The following CREBBP variants were observed in gnomAD, a reference collection of about 807,000 sequenced individuals.
CREBBP encodes the protein CREB-binding protein.
In CREBBP, 19 loss-of-function variants were observed where a neutral mutation model predicts 265.0. The observed-to-expected ratio is 0.07, with a 90% CI of 0.05 to 0.11. The LOEUF (loss-of-function observed/expected upper bound fraction) is 0.11, where lower values mean the gene tolerates loss of function less well. Among genes scored for constraint, CREBBP ranks in the 10% least tolerant of loss-of-function variants. The pLI, the probability that CREBBP is intolerant of heterozygous loss-of-function variation, is 1.00. For synonymous variants in CREBBP, 1,457 were observed against 1,223.7 expected (o/e 1.19, Z -3.98); for missense variants, 2,525 against 3,219.0 (o/e 0.78, Z 5.22).
chr16:3,768,726 T>G (rs2052925100), intron 15 of CREBBP, among the ~76,000 whole-genome samples: 1 of 152,086 alleles, frequency 6.6e-6, no homozygotes, highest in Non-Finnish European at 1.5e-5. Context: ...AAGCCAGAAA[T>G]CTAGAGTTTT....
intron 19 of CREBBP, among the ~76,000 whole-genome samples, chr16:3,753,135 G>A (rs553942083): frequency 1.2e-4 from 19 of 152,284 alleles, no homozygotes; most frequent in South Asian, 8.3e-4. Context: ...GGACTCGAGC[G>A]CCAGGCTGAA....
At chr16:3,771,745 C>G (rs927006653) in intron 13 of CREBBP, among the ~76,000 whole-genome samples, 1 of 150,344 alleles carries the variant, frequency 6.7e-6, no homozygotes, top group Non-Finnish European at 1.5e-5. Context: ...CCTGGGGGCA[C>G]AGAGTGGGAT....
chr16:3,822,544 G>C (rs907579288), intron 2 of CREBBP, among the ~76,000 whole-genome samples: 2 of 152,172 alleles, frequency 1.3e-5, no homozygotes, highest in African/African-American at 4.8e-5. Flanking sequence ...CTCGTGGGAT[G>C]AGCCCTGGGA....
At chr16:3,804,983 C>A (rs1234352188) in intron 3 of CREBBP, among the ~76,000 whole-genome samples, 1 of 152,218 alleles carries the variant, frequency 6.6e-6, no homozygotes, top group African/African-American at 2.4e-5. Flanking sequence ...ACCCCTAATA[C>A]CAAAGGACTC....
rs2052981729 is a variant in CREBBP, at chr16:3,770,714, G to A, written c.2736C>T (p.Thr912=). ...CTGCCTGGACTGTAGGGGTGCTCTGGGTTTGGGTAGCACTGGGCACTGAGC... is the reference window on the plus strand; with the variant it reads ...CTGCCTGGACTGTAGGGGTGCTCTGAGTTTGGGTAGCACTGGGCACTGAGC... ...TPGSVPSATQ[T]QSTPTVQAAA... The change falls in exon 14 of 31, where the codon ACC becomes ACT. Residue 912 remains threonine (T), a synonymous_variant. Coordinates refer to ENST00000262367, the MANE Select transcript of CREBBP (RefSeq NM_004380.3). 8 of 1,613,988 alleles carry A rather than the reference G, an allele frequency of 5.0e-6. No homozygotes were observed. The South Asian group carries it at 6.6e-5, about 13-fold the overall frequency.
chr16:3,753,879 C>T (rs770848869), intron 19 of CREBBP, among the ~76,000 whole-genome samples: 2 of 152,172 alleles, frequency 1.3e-5, no homozygotes, highest in Non-Finnish European at 2.9e-5. Flanking sequence ...AAACTCCCAC[C>T]GTAATCACAG....
chr16:3,871,687 GCA>G (rs2055302832), intron 1 of CREBBP, among the ~76,000 whole-genome samples: 1 of 152,180 alleles, frequency 6.6e-6, no homozygotes, highest in South Asian at 2.1e-4. Context: ...TTTAGGTGGT[GCA>G]GTTTTAATAA....
chr16:3,862,156 A>T (rs529001967), intron 1 of CREBBP, among the ~76,000 whole-genome samples: 314 of 152,356 alleles, frequency 2.1e-3, no homozygotes, highest in African/African-American at 7.0e-3. Flanking sequence ...CACGTATGTC[A>T]TATTTTACAG....
chr16:3,828,138 G>A (rs1780184335), intron 2 of CREBBP, among the ~76,000 whole-genome samples: 2 of 152,012 alleles, frequency 1.3e-5, no homozygotes, highest in African/African-American at 4.8e-5. Context: ...TGTCACCCAG[G>A]CTAGAGTGCA....
At chr16:3,875,682 A>G (rs907816256) in intron 1 of CREBBP, among the ~76,000 whole-genome samples, 1 of 152,206 alleles carries the variant, frequency 6.6e-6, no homozygotes, top group African/African-American at 2.4e-5. Context: ...TAGAAAATAA[A>G]TATATAGAGC....
At position 3,854,970 on chromosome 16, in the gene CREBBP, C is replaced by T. The variant is rs138911693; in HGVS notation, c.86-3961G>A. Among the ~76,000 whole-genome samples the T allele has an allele frequency of 2.4e-3, 358 of 152,264 alleles. 4 individuals carry two copies. The highest frequency in any genetic ancestry group is 8.2e-3 in the African/African-American group (340 of 41,550). On this transcript the variant is annotated intron_variant, in intron 1 of 30. Coordinates refer to ENST00000262367, the MANE Select transcript of CREBBP (RefSeq NM_004380.3). ...CACTGTTCTCCTAAGTACTTCAGTA[C>T]GTATCTCCTAACAACATCCTCTTAC... is the stretch of plus-strand genomic sequence containing the variant.
chr16:3,843,561 C>T (rs893939769), intron 2 of CREBBP, among the ~76,000 whole-genome samples: 1 of 151,848 alleles, frequency 6.6e-6, no homozygotes, highest in African/African-American at 2.4e-5. Flanking sequence ...GCTGAGACCA[C>T]AGACATGTGC....
chr16:3,769,842 G>C (rs545738090), intron 14 of CREBBP, among the ~76,000 whole-genome samples: 86 of 152,198 alleles, frequency 5.7e-4, no homozygotes, highest in African/African-American at 2.0e-3. Context: ...ACCACTAAAA[G>C]AATTCCTAAT....
At position 3,728,681 on chromosome 16, in the gene CREBBP, C is replaced by T. The variant is rs765028953; in HGVS notation, c.6366G>A (p.Gln2122=). The change falls in exon 31 of 31, where the codon CAG becomes CAA. Residue 2122 remains glutamine (Q), a synonymous_variant. Coordinates refer to ENST00000262367, the MANE Select transcript of CREBBP (RefSeq NM_004380.3). The surrounding 1 kb of genome is among the most constrained non-coding windows in gnomAD (Gnocchi z 8.7). ...GCTGGGGTTGCATGCCGGGCTGGGA[C>T]TGGAGGCCAGGCTGGGGCTGCATGC... ...QPGMQPQPGL[Q]SQPGMQPQPG... The T allele has an allele frequency of 6.2e-7, 1 of 1,613,654 alleles. No homozygotes were observed. Among genetic ancestry groups the T allele is most frequent in the African/African-American group, 1.3e-5 (1 of 74,870 alleles).
chr16:3,792,916 C>T (rs1217905686), intron 4 of CREBBP, among the ~76,000 whole-genome samples: 2 of 152,222 alleles, frequency 1.3e-5, no homozygotes, highest in Admixed American at 6.5e-5. Flanking sequence ...GACAACTTCG[C>T]TGTCATCCGC....
intron 1 of CREBBP, among the ~76,000 whole-genome samples, chr16:3,851,577 G>A (rs931366865): frequency 2.8e-4 from 42 of 152,208 alleles, no homozygotes; most frequent in African/African-American, 9.1e-4. Context: ...ATGTGTGGCC[G>A]GGCATGGTGG....
chr16:3,740,588 A>T (rs1289922667), intron 23 of CREBBP, 39 bp from the exon 24 acceptor site: 1 of 1,612,754 alleles, frequency 6.2e-7, no homozygotes, highest in South Asian at 1.1e-5. Context: ...GGGCTTCAAC[A>T]GCACTGCTGA....
At chr16:3,749,709 T>C (rs776893147) in intron 20 of CREBBP, 26 bp from the exon 21 acceptor site, 4 of 1,472,180 alleles carry the variant, frequency 2.7e-6, no homozygotes, top group South Asian at 1.2e-5. Flanking sequence ...GAAAACATGT[T>C]TTATTAACTA....
intron 1 of CREBBP, among the ~76,000 whole-genome samples, chr16:3,861,020 C>G (rs1471785313): frequency 6.6e-6 from 1 of 152,124 alleles, no homozygotes; most frequent in Non-Finnish European, 1.5e-5. Flanking sequence ...TGCCTGTAAT[C>G]CCAGCACTTT....
Sources: gnomAD v4.1 joint callset for allele counts (sites outside exome capture counted in the v4.1 genomes callset) on GRCh38, gnomAD v4.1.1 for gene constraint, Gnocchi (gnomAD v3.1) non-coding constraint, MANE v1.5 for transcripts, NCBI Gene and HGNC (gene_info 2026-07-23, HGNC 2026-07-21) for gene names.